Variants in ANKRD29 observed in about 807,000 individuals in gnomAD.
ANKRD29 encodes ankyrin repeat domain-containing protein 29.
Under a neutral mutation model 38.0 loss-of-function variants are expected in ANKRD29, and 32 were observed. The ratio of observed to expected loss-of-function variants is 0.84; its 90% CI spans 0.64 to 1.13. ANKRD29 has a LOEUF of 1.13. Among genes scored for constraint, ANKRD29 ranks in the 50% most tolerant of loss-of-function variants. The probability of loss-of-function intolerance (pLI) is 0.00; values close to 1 mark genes in which losing one functional copy is unlikely to be tolerated. For synonymous variants in ANKRD29, 135 were observed against 152.4 expected (o/e 0.89, Z 0.84); for missense variants, 357 against 377.9 (o/e 0.94, Z 0.46).
chr18:23,660,254 T>A (rs2060342046), intron 1 of ANKRD29, among the ~76,000 whole-genome samples: 1 of 152,234 alleles, frequency 6.6e-6, no homozygotes, highest in Non-Finnish European at 1.5e-5. Flanking sequence ...GGGTATGAAG[T>A]GGTATCTCAT....
At chr18:23,649,402 A>G (rs2060182510) in intron 1 of ANKRD29, 2 of 704,186 alleles carry the variant, frequency 2.8e-6, no homozygotes, top group East Asian at 5.4e-5. Flanking sequence ...TATGAAGAGC[A>G]GTGTTGTTGA....
Position 23,599,215 on chromosome 18 carries a change from C to A in ANKRD29, c.*2011G>T, listed in dbSNP as rs1017506349. 3 of 152,180 alleles carry A rather than the reference C, an allele frequency of 2.0e-5. No homozygotes were observed. Among genetic ancestry groups the A allele is most frequent in the Non-Finnish European group, 4.4e-5 (3 of 68,048 alleles). 9.4% of individuals were successfully genotyped at this position (152,180 alleles called of 1,614,324 possible). ...CTGCTATGGGTAATCTCATCTAGAT[C>A]AAATGTGATCCTTCTAAGCTAGACA... is the stretch of plus-strand genomic sequence containing the variant. On this transcript the variant is annotated 3_prime_UTR_variant, in exon 10 of 10. Coordinates refer to ENST00000592179, the MANE Select transcript of ANKRD29 (RefSeq NM_173505.4).
chr18:23,662,090 C>CA (rs1352854154), intron 1 of ANKRD29, among the ~76,000 whole-genome samples: 2 of 151,622 alleles, frequency 1.3e-5, no homozygotes, highest in African/African-American at 4.8e-5. Flanking sequence ...TGAGACCATA[C>CA]ACACCATGTC....
chr18:23,603,360 T>TG (rs1398035120), intron 9 of ANKRD29, among the ~76,000 whole-genome samples: 1 of 152,202 alleles, frequency 6.6e-6, no homozygotes, highest in African/African-American at 2.4e-5. Flanking sequence ...TGGCTGGGCG[T>TG]GGTGGCTCAC....
intron 5 of ANKRD29, among the ~76,000 whole-genome samples, chr18:23,630,162 C>T (rs1487081233): frequency 6.6e-5 from 10 of 151,968 alleles, no homozygotes; most frequent in Non-Finnish European, 1.3e-4. Context: ...CGGCGGCTCA[C>T]GCCTGTAATC....
chr18:23,646,334 G>A, intron 2 of ANKRD29, 47 bp from the exon 3 acceptor site: 1 of 1,537,202 alleles, frequency 6.5e-7, no homozygotes, highest in Non-Finnish European at 9.0e-7. Flanking sequence ...TGCTATGTCA[G>A]AGAGAAGGGT....
intron 9 of ANKRD29, 119 bp from the exon 10 acceptor site, chr18:23,601,428 A>G: frequency 2.8e-6 from 2 of 706,352 alleles, no homozygotes; most frequent in Non-Finnish European, 5.0e-6. Context: ...TCCACACTGG[A>G]CTCACTCTTT....
chr18:23,622,182 G>A (rs1210744499), intron 6 of ANKRD29, among the ~76,000 whole-genome samples: 27 of 152,158 alleles, frequency 1.8e-4, no homozygotes, highest in Non-Finnish European at 2.9e-5. Context: ...ATTTTGCTAG[G>A]TGTGAGAAAG....
At position 23,646,275 on chromosome 18, in the gene ANKRD29, G is replaced by A; in HGVS notation, c.145C>T (p.Leu49Phe). ...CCAGCGTAGGCAGCAACCATCAGGA[G>A]TGTGGTGCCATGCTGGATGGAGGAG... ...VDCRDSHGTT[L>F]LMVAAYAGHI... The change falls in exon 3 of 10, where the codon CTC becomes TTC. Residue 49 changes from leucine to phenylalanine, a missense_variant. Coordinates refer to ENST00000592179, the MANE Select transcript of ANKRD29 (RefSeq NM_173505.4). 1.2e-6 allele frequency: 2 copies of A among 1,613,938 alleles called. No individual in the cohort carries two copies. The highest frequency in any genetic ancestry group is 2.2e-5 in the South Asian group (2 of 91,082).
intron 1 of ANKRD29, among the ~76,000 whole-genome samples, chr18:23,651,012 T>C (rs1044472047): frequency 6.6e-6 from 1 of 152,170 alleles, no homozygotes; most frequent in Non-Finnish European, 1.5e-5. Flanking sequence ...TGATATCGTA[T>C]TAAATACAGT....
At chr18:23,610,737 G>A (rs1214504683) in intron 9 of ANKRD29, among the ~76,000 whole-genome samples, 3 of 152,146 alleles carry the variant, frequency 2.0e-5, no homozygotes, top group Non-Finnish European at 2.9e-5. Flanking sequence ...TTGCAGTGGC[G>A]TGACCATGGC....
At chr18:23,632,238 CTTTTTT>C (rs960791879) in intron 5 of ANKRD29, among the ~76,000 whole-genome samples, 1 of 151,986 alleles carries the variant, frequency 6.6e-6, no homozygotes, top group Non-Finnish European at 1.5e-5. Flanking sequence ...TTTTCTTTTT[CTTTTTT>C]TAATTTTTTT....
At chr18:23,603,494 G>A (rs1340278661) in intron 9 of ANKRD29, among the ~76,000 whole-genome samples, 7 of 152,220 alleles carry the variant, frequency 4.6e-5, no homozygotes, top group East Asian at 1.9e-4. Context: ...TTAGCTGGGC[G>A]TGGTGGCACA....
Position 23,662,777 on chromosome 18 carries a change from G to T in ANKRD29, c.-47C>A, listed in dbSNP as rs755306605. The T allele has an allele frequency of 9.7e-6, 14 of 1,436,466 alleles. No individual in the cohort carries two copies. The South Asian group carries it at 1.4e-4, about 14-fold the overall frequency. The allele number at this position is 1,436,466 out of a possible 1,614,324, so 89.0% of individuals were successfully genotyped here. A position where few individuals can be genotyped will look rare whatever the true frequency, so the allele number is the denominator to read the frequency against. The stretch of plus-strand genomic sequence containing the variant: ...AGCCGGCGCGCTTTGGGCCCGGGGC[G>T]CCTTGTCCTCCCCGGCCCTTCACTC... On this transcript the variant is annotated 5_prime_UTR_variant, in exon 1 of 10. Transcript: ENST00000592179.
chr18:23,604,926 A>AT lies in ANKRD29; in HGVS notation c.823-3618dup, dbSNP rs1403755893. ...ATCACACAGAATTTTATTTTATTTT[A>AT]TTTATTTATTTTGAAACAGAGTCTT... is the stretch of plus-strand genomic sequence containing the variant. On this transcript the variant is annotated intron_variant, in intron 9 of 9. Transcript: ENST00000592179. Among the ~76,000 whole-genome samples, 5 of 151,898 alleles carry AT rather than the reference A, an allele frequency of 3.3e-5. No homozygotes were observed. In the South Asian group the frequency reaches 8.3e-4, roughly 25 times the overall value.
Position 23,602,805 on chromosome 18 carries a change from CTG to C in ANKRD29, c.823-1498_823-1497del, listed in dbSNP as rs201480434. Among the ~76,000 whole-genome samples, 1,474 of 151,338 alleles carry C rather than the reference CTG, an allele frequency of 9.7e-3. 16 individuals carry two copies. The highest frequency in any genetic ancestry group is 0.017 in the Middle Eastern group (5 of 292). On this transcript the variant is annotated intron_variant, in intron 9 of 9. Transcript: ENST00000592179. ...AAAAGAAAAAAAAAAGAAATTAAAA[CTG>C]AGAAAATTTTAAAAATATATTTATT...
chr18:23,624,264 T>C (rs1037332777), intron 6 of ANKRD29, among the ~76,000 whole-genome samples: 1 of 151,600 alleles, frequency 6.6e-6, no homozygotes, highest in African/African-American at 2.4e-5. Flanking sequence ...GCCTGGAGTT[T>C]GAGACTAGCC....
chr18:23,626,321 A>T (rs2059861685), intron 6 of ANKRD29, among the ~76,000 whole-genome samples: 1 of 152,248 alleles, frequency 6.6e-6, no homozygotes, highest in African/African-American at 2.4e-5. Flanking sequence ...GATAGAGATG[A>T]GTTAACTGAC....
rs937249993 is a variant in ANKRD29 at position 23,601,064 on chromosome 18, C to T, written c.*162G>A. On this transcript the variant is annotated 3_prime_UTR_variant, in exon 10 of 10. Transcript: ENST00000592179. The stretch of plus-strand genomic sequence containing the variant: ...GGTCCCTGAGCTGTTTGGTTCTTGA[C>T]TTCGTGCACAGAGCGTAGCTCTTCT... 11 of 621,046 alleles carry T rather than the reference C, an allele frequency of 1.8e-5. No individual in the cohort carries two copies. Among genetic ancestry groups the T allele is most frequent in the Non-Finnish European group, 2.5e-5 (9 of 362,598 alleles). The allele number at this position is 621,046 out of a possible 1,614,324, so 38.5% of individuals were successfully genotyped here.
Sources: allele counts gnomAD v4.1 joint callset (sites outside exome capture counted in the v4.1 genomes callset), GRCh38; gene constraint gnomAD v4.1.1; transcripts MANE v1.5; gene names NCBI Gene and HGNC (gene_info 2026-07-23, HGNC 2026-07-21).